The following SIPA1L1 variants were observed in gnomAD, a reference collection of about 807,000 sequenced individuals.
SIPA1L1 encodes signal induced proliferation associated 1 like 1.
SIPA1L1 carries 26 observed loss-of-function variants against 162.7 expected under a neutral mutation model. The observed-to-expected ratio is 0.16, with a 90% CI of 0.12 to 0.22. The LOEUF is 0.22. Among genes scored for constraint, SIPA1L1 ranks in the 10% least tolerant of loss-of-function variants. SIPA1L1 has a pLI of 1.00. For missense variants in SIPA1L1, 1,874 were observed against 2,241.0 expected (o/e 0.84, Z 3.31); for synonymous variants, 829 against 837.4 (o/e 0.99, Z 0.17).
chr14:71,452,180 T>A (rs2045879817), intron 2 of SIPA1L1, among the ~76,000 whole-genome samples: 2 of 149,402 alleles, frequency 1.3e-5, no homozygotes, highest in South Asian at 4.5e-4. Context: ...CCCCCTCATG[T>A]TCTCTCCCAT....
intron 2 of SIPA1L1, among the ~76,000 whole-genome samples, chr14:71,392,190 G>A (rs1031994991): frequency 2.0e-5 from 3 of 152,192 alleles, no homozygotes; most frequent in African/African-American, 7.2e-5. Context: ...AGTCTCCGGT[G>A]CAGGCAGATG....
At chr14:71,542,276 C>G (rs1246919014) in intron 4 of SIPA1L1, among the ~76,000 whole-genome samples, 1 of 150,440 alleles carries the variant, frequency 6.6e-6, no homozygotes, top group Non-Finnish European at 1.5e-5. Context: ...TCTTCTTCCT[C>G]TTCCTCTCCT....
chr14:71,644,117 G>A (rs2041956897), intron 7 of SIPA1L1, among the ~76,000 whole-genome samples: 1 of 150,724 alleles, frequency 6.6e-6, no homozygotes, highest in Non-Finnish European at 1.5e-5. Context: ...ACAAATGGTA[G>A]TTTCTTAAAG....
At chr14:71,407,345 C>G (rs1347244965) in intron 2 of SIPA1L1, among the ~76,000 whole-genome samples, 1 of 152,150 alleles carries the variant, frequency 6.6e-6, no homozygotes. Flanking sequence ...ATACTGTAGA[C>G]AGTTTTAGGC....
chr14:71,508,313 C>G (rs929330636), intron 2 of SIPA1L1, among the ~76,000 whole-genome samples: 2 of 152,134 alleles, frequency 1.3e-5, no homozygotes, highest in Non-Finnish European at 2.9e-5. Context: ...AAAGGTGGCA[C>G]TTTAAGTTTG....
intron 3 of SIPA1L1, among the ~76,000 whole-genome samples, chr14:71,526,342 C>T (rs2052867484): frequency 6.6e-6 from 1 of 152,102 alleles, no homozygotes; most frequent in African/African-American, 2.4e-5. Context: ...TTCCTTCTCC[C>T]AGTCTGTATT....
Position 71,409,221 on chromosome 14 carries a change from G to A in SIPA1L1, c.-465+88040G>A, listed in dbSNP as rs116571984. ...AGTCTATAAATAAGGGTGCCTCATC[G>A]GAACCAGGTGAGTGTAGAACTCTTG... On this transcript the variant is annotated intron_variant, in intron 2 of 23. Coordinates refer to ENST00000381232, the MANE Select transcript of SIPA1L1 (RefSeq NM_001386936.1). 3.5e-3 allele frequency among the ~76,000 whole-genome samples: 527 copies of A among 152,282 alleles called. 4 individuals carry two copies. Among genetic ancestry groups the A allele is most frequent in the African/African-American group, 0.012 (498 of 41,544 alleles).
intron 13 of SIPA1L1, among the ~76,000 whole-genome samples, chr14:71,687,787 T>C (rs2080976939): frequency 6.6e-6 from 1 of 152,168 alleles, no homozygotes; most frequent in Admixed American, 6.5e-5. Flanking sequence ...AAAATGCATC[T>C]CAGTAAGTGC....
intron 2 of SIPA1L1, among the ~76,000 whole-genome samples, chr14:71,441,292 T>G (rs1192208762): frequency 1.3e-5 from 2 of 152,212 alleles, no homozygotes; most frequent in African/African-American, 4.8e-5. Context: ...AGATTTTCCC[T>G]TGGAGCATAG....
chr14:71,649,189 A>ATT lies in SIPA1L1; in HGVS notation c.1819-1126_1819-1125dup, dbSNP rs576399247. Among the ~76,000 whole-genome samples, 437 of 131,096 alleles carry ATT rather than the reference A, an allele frequency of 3.3e-3. 3 individuals carry two copies. Among genetic ancestry groups the ATT allele is most frequent in the African/African-American group, 6.4e-3 (220 of 34,378 alleles). 86.0% of individuals were successfully genotyped at this position (131,096 alleles called of 152,430 possible). A position where few individuals can be genotyped will look rare whatever the true frequency, so the allele number is the denominator to read the frequency against. Reference sequence around the variant, plus strand: ...ATGTCATTGGAGAATTCAAAGTCCAATTTTTTTTTTTTTTTTTTTTTGAGA... The same window carrying ATT: ...ATGTCATTGGAGAATTCAAAGTCCAATTTTTTTTTTTTTTTTTTTTTTTGAGA... On this transcript the variant is annotated intron_variant, in intron 7 of 23. Coordinates refer to ENST00000381232, the MANE Select transcript of SIPA1L1 (RefSeq NM_001386936.1).
intron 2 of SIPA1L1, among the ~76,000 whole-genome samples, chr14:71,462,137 G>A (rs2046649022): frequency 1.3e-5 from 2 of 152,228 alleles, no homozygotes; most frequent in South Asian, 2.1e-4. Flanking sequence ...GTTGCATGGT[G>A]ACTTGATGAC....
chr14:71,585,235 AT>A (rs2034439555), intron 4 of SIPA1L1, among the ~76,000 whole-genome samples: 1 of 151,970 alleles, frequency 6.6e-6, no homozygotes, highest in Non-Finnish European at 1.5e-5. Flanking sequence ...AAAATCTGTT[AT>A]TTAACATAAT....
chr14:71,557,012 T>C (rs1013674320), intron 4 of SIPA1L1, among the ~76,000 whole-genome samples: 2 of 152,186 alleles, frequency 1.3e-5, no homozygotes, highest in African/African-American at 4.8e-5. Flanking sequence ...TTCTGTTTCC[T>C]GAGGCCTAAA....
intron 4 of SIPA1L1, among the ~76,000 whole-genome samples, chr14:71,542,362 T>C (rs1027941834): frequency 2.6e-5 from 3 of 115,820 alleles, no homozygotes; most frequent in Non-Finnish European, 5.4e-5. Context: ...CTCTTTCTTC[T>C]TCTTCCTGCT....
intron 2 of SIPA1L1, among the ~76,000 whole-genome samples, chr14:71,421,782 A>G (rs8007521): frequency 0.42 from 63,718 of 151,710 alleles, 14,050 homozygotes; most frequent in Admixed American, 0.51. Flanking sequence ...TTGAAAGTCC[A>G]TTTGGTTTTT....
At chr14:71,394,583 A>C (rs753560327) in intron 2 of SIPA1L1, among the ~76,000 whole-genome samples, 32 of 152,230 alleles carry the variant, frequency 2.1e-4, no homozygotes, top group Non-Finnish European at 3.8e-4. Context: ...ATCCGTTGTA[A>C]TAATGTTCAT....
chr14:71,651,970 G>A (rs2042657030), intron 8 of SIPA1L1, among the ~76,000 whole-genome samples: 1 of 152,156 alleles, frequency 6.6e-6, no homozygotes, highest in African/African-American at 2.4e-5. Flanking sequence ...ACCTTCAACA[G>A]GGAAAGATTC....
At chr14:71,596,527 T>A (rs1014273747) in intron 5 of SIPA1L1, among the ~76,000 whole-genome samples, 1 of 152,250 alleles carries the variant, frequency 6.6e-6, no homozygotes. Flanking sequence ...TCATTTTTTT[T>A]AAAGTAGTTT....
chr14:71,676,240 T>C (rs1261350586), intron 12 of SIPA1L1, among the ~76,000 whole-genome samples: 1 of 151,454 alleles, frequency 6.6e-6, no homozygotes, highest in Non-Finnish European at 1.5e-5. Flanking sequence ...TGCAATGAGC[T>C]GAGATCGTGC....
Sources: gnomAD v4.1 joint callset for allele counts (sites outside exome capture counted in the v4.1 genomes callset) on GRCh38, gnomAD v4.1.1 for gene constraint, MANE v1.5 for transcripts, NCBI Gene and HGNC (gene_info 2026-07-23, HGNC 2026-07-21) for gene names.